The following CTTNBP2NL variants were observed in gnomAD, a reference collection of about 807,000 sequenced individuals.
CTTNBP2NL encodes CTTNBP2 N-terminal like, also known as CTTNBP2 N-terminal-like protein.
CTTNBP2NL carries 16 observed loss-of-function variants against 32.5 expected under a neutral mutation model. That is an observed-to-expected ratio of 0.49 (90% CI 0.33 to 0.75). The LOEUF (loss-of-function observed/expected upper bound fraction) is 0.75. Ranked by LOEUF, CTTNBP2NL falls within the 30% of genes least tolerant of loss-of-function variation. The pLI is 0.02. For missense variants in CTTNBP2NL, 645 were observed against 756.0 expected, an observed-to-expected ratio of 0.85 and a Z score of 1.72; for synonymous variants, 298 against 289.4, an observed-to-expected ratio of 1.03 and a Z score of -0.30.
chr1:112,447,296 A>AAG (rs1557896562), intron 3 of CTTNBP2NL, among the ~76,000 whole-genome samples: 3 of 150,028 alleles, frequency 2.0e-5, no homozygotes, highest in African/African-American at 7.4e-5. Context: ...AAAAAAAAAA[A>AAG]AGTAGAGTTT....
chr1:112,446,312 G>A (rs1480000271), intron 3 of CTTNBP2NL, among the ~76,000 whole-genome samples: 1 of 151,916 alleles, frequency 6.6e-6, no homozygotes, highest in Non-Finnish European at 1.5e-5. Context: ...GCTGCAGTGA[G>A]CTGTGATCAC....
intron 3 of CTTNBP2NL, among the ~76,000 whole-genome samples, chr1:112,444,689 CT>C (rs1200786302): frequency 1.3e-5 from 2 of 152,192 alleles, no homozygotes; most frequent in Non-Finnish European, 2.9e-5. Flanking sequence ...ACTAAACCCC[CT>C]CCAAACTCTA....
chr1:112,441,459 T>C (rs901877235), intron 3 of CTTNBP2NL, among the ~76,000 whole-genome samples: 2 of 152,234 alleles, frequency 1.3e-5, no homozygotes, highest in African/African-American at 2.4e-5. Flanking sequence ...TTGATTGATA[T>C]CTGATTATTT....
Position 112,457,532 on chromosome 1 carries a change from C to A in CTTNBP2NL, c.*120C>A. ...AGTAGCTGAAACCATCTGTATAATA[C>A]ATTTAGTATATTTCACCATTTTGTA... On this transcript the variant is annotated 3_prime_UTR_variant, in exon 6 of 6. Transcript: ENST00000271277. 1 of 856,056 alleles carries A rather than the reference C, an allele frequency of 1.2e-6. No homozygotes were observed. Among genetic ancestry groups the A allele is most frequent in the Non-Finnish European group, 1.8e-6 (1 of 560,618 alleles). 53.0% of individuals were successfully genotyped at this position (856,056 alleles called of 1,614,324 possible).
chr1:112,401,400 C>G (rs901593222), intron 1 of CTTNBP2NL, among the ~76,000 whole-genome samples: 8 of 152,140 alleles, frequency 5.3e-5, no homozygotes, highest in Non-Finnish European at 1.0e-4. Context: ...AGGGATTCAG[C>G]TAGCCGATGT....
intron 2 of CTTNBP2NL, among the ~76,000 whole-genome samples, chr1:112,412,733 C>T (rs189028109): frequency 1.4e-3 from 211 of 151,068 alleles, no homozygotes; most frequent in African/African-American, 4.5e-3. Context: ...TCTCCTGCCT[C>T]AGCCTCCTGA....
upstream of CTTNBP2NL, among the ~76,000 whole-genome samples, chr1:112,393,864 A>G (rs1420053001): frequency 6.6e-6 from 1 of 152,154 alleles, no homozygotes; most frequent in Non-Finnish European, 1.5e-5. Flanking sequence ...TCAGCCAGGG[A>G]AAAGAATGGG....
chr1:112,413,793 A>C (rs1356043256), intron 2 of CTTNBP2NL, among the ~76,000 whole-genome samples: 3 of 152,180 alleles, frequency 2.0e-5, no homozygotes, highest in Admixed American at 6.5e-5. Context: ...CACACCTTTA[A>C]TCTCAGCACT....
Position 112,456,393 on chromosome 1 carries a change from G to A in CTTNBP2NL, c.901G>A (p.Ala301Thr), listed in dbSNP as rs1466854066. The A allele has an allele frequency of 6.2e-7, 1 of 1,614,124 alleles. No homozygotes were observed. The highest frequency in any genetic ancestry group is 1.3e-5 in the African/African-American group (1 of 75,052). Residue 301 changes from alanine (A) to threonine (T), a missense_variant, in exon 6 of 6, where the codon GCA (alanine) becomes ACA (threonine). By Grantham distance (58) the Ala-to-Thr change is moderately conservative. Transcript: ENST00000271277. ...ACCAGTAACCGTGTCCAAAGGCACA[G>A]CAACTGAGCCTCTCATGCTAATGTC... ...KKPVTVSKGT[A>T]TEPLMLMSVF... is the part of the protein sequence containing the mutation.
At chr1:112,445,895 G>A (rs1312873857) in intron 3 of CTTNBP2NL, among the ~76,000 whole-genome samples, 5 of 152,164 alleles carry the variant, frequency 3.3e-5, no homozygotes, top group Admixed American at 2.0e-4. Context: ...CAGATCTGAT[G>A]TCAAGGTCAT....
intron 3 of CTTNBP2NL, among the ~76,000 whole-genome samples, chr1:112,424,575 G>A (rs1649333943): frequency 6.6e-6 from 1 of 152,144 alleles, no homozygotes; most frequent in Admixed American, 6.5e-5. Flanking sequence ...GATTTTGATT[G>A]GGATTGTATT....
At chr1:112,446,519 A>T (rs974214539) in intron 3 of CTTNBP2NL, among the ~76,000 whole-genome samples, 1 of 152,324 alleles carries the variant, frequency 6.6e-6, no homozygotes, top group Admixed American at 6.5e-5. Context: ...TTAAAATACA[A>T]CTAGCTTTTT....
chr1:112,402,688 C>T (rs2100990957), intron 1 of CTTNBP2NL, among the ~76,000 whole-genome samples: 1 of 152,160 alleles, frequency 6.6e-6, no homozygotes, highest in East Asian at 1.9e-4. Context: ...CAATCTAGTT[C>T]TTAACTGACT....
At chr1:112,447,597 C>A (rs1650088293) in intron 3 of CTTNBP2NL, among the ~76,000 whole-genome samples, 2 of 151,906 alleles carry the variant, frequency 1.3e-5, no homozygotes, top group Non-Finnish European at 2.9e-5. Context: ...CTAAATTGGA[C>A]AGTCAATGAA....
At chr1:112,453,745 C>A (rs1387839764) in intron 4 of CTTNBP2NL, among the ~76,000 whole-genome samples, 1 of 152,110 alleles carries the variant, frequency 6.6e-6, no homozygotes, top group Non-Finnish European at 1.5e-5. Flanking sequence ...CAAAGCAAGA[C>A]CCTGTCTCGA....
In CTTNBP2NL at chr1:112,457,444, C is replaced by G. The variant is rs530259421; in HGVS notation, c.*32C>G. 1.3e-6 allele frequency: 2 copies of G among 1,556,354 alleles called. No homozygotes were observed. Among genetic ancestry groups the G allele is most frequent in the African/African-American group, 2.7e-5 (2 of 72,946 alleles). On this transcript the variant is annotated 3_prime_UTR_variant, in exon 6 of 6. Coordinates refer to ENST00000271277, the MANE Select transcript of CTTNBP2NL (RefSeq NM_018704.3). ...GGAGGGAGTCTCCACGTTTGACATT[C>G]CATCAGATTTCGTCCAAAAGCTCAG...
chr1:112,409,197 A>G (rs1759687), intron 1 of CTTNBP2NL, among the ~76,000 whole-genome samples: 16,328 of 151,768 alleles, frequency 0.11, 1,057 homozygotes, highest in Non-Finnish European at 0.15. Flanking sequence ...TTGCTCGCTA[A>G]TCACTAATCA....
chr1:112,442,189 G>T (rs866234151), intron 3 of CTTNBP2NL, among the ~76,000 whole-genome samples: 1 of 151,640 alleles, frequency 6.6e-6, no homozygotes, highest in Non-Finnish European at 1.5e-5. Flanking sequence ...GCAGTGGCGC[G>T]ATCTCGGCTC....
At chr1:112,403,952 C>T (rs751126162) in intron 1 of CTTNBP2NL, among the ~76,000 whole-genome samples, 6 of 152,194 alleles carry the variant, frequency 3.9e-5, no homozygotes, top group African/African-American at 7.2e-5. Context: ...ACTTCATTAT[C>T]CTTGCAGATG....
Sources: allele counts gnomAD v4.1 joint callset (sites outside exome capture counted in the v4.1 genomes callset), GRCh38; gene constraint gnomAD v4.1.1; transcripts MANE v1.5; gene names NCBI Gene and HGNC (gene_info 2026-07-23, HGNC 2026-07-21).